The following TIRAP variants were observed in gnomAD, a reference collection of about 807,000 sequenced individuals.
TIRAP encodes toll/interleukin-1 receptor domain-containing adapter protein.
In TIRAP, 20 loss-of-function variants were observed where a neutral mutation model predicts 19.8. The ratio of observed to expected loss-of-function variants is 1.01; its 90% CI spans 0.71 to 1.47. TIRAP has a LOEUF of 1.47. TIRAP is among the 40% of genes most tolerant of loss of function. The pLI is 0.00. For missense variants in TIRAP, 276 were observed against 285.1 expected (o/e 0.97, Z 0.23); for synonymous variants, 125 against 121.7 (o/e 1.03, Z -0.18).
At chr11:126,285,243 G>GTGTGTGTATATATATATA in intron 1 of TIRAP, among the ~76,000 whole-genome samples, 6,042 of 106,678 alleles carry the variant, frequency 0.057, 212 homozygotes, top group South Asian at 0.073. Context: ...GTGTGTGTGT[G>GTGTGTGTATATATATATA]TATATATATA....
intron 1 of TIRAP, among the ~76,000 whole-genome samples, chr11:126,289,418 T>G (rs1591372893): frequency 6.6e-6 from 1 of 152,252 alleles, no homozygotes; most frequent in East Asian, 1.9e-4. Context: ...GCTGGGATTA[T>G]AGGCGCCTGC....
At chr11:126,284,856 A>AC (rs1951300938) in intron 1 of TIRAP, among the ~76,000 whole-genome samples, 1 of 115,646 alleles carries the variant, frequency 8.6e-6, no homozygotes. Flanking sequence ...TCCGTCTCAA[A>AC]AAAAAAAAAA....
At chr11:126,283,344 G>A (rs1297349283) in intron 1 of TIRAP, among the ~76,000 whole-genome samples, 191 bp downstream of exon 1, 1 of 152,100 alleles carries the variant, frequency 6.6e-6, no homozygotes, top group Non-Finnish European at 1.5e-5. Flanking sequence ...TCTGGCACCC[G>A]CAACACGCAA....
chr11:126,284,032 TC>T (rs1294607965), intron 1 of TIRAP, among the ~76,000 whole-genome samples: 5 of 119,320 alleles, frequency 4.2e-5, no homozygotes, highest in South Asian at 3.3e-4. Flanking sequence ...ATCATGTACT[TC>T]TTTTTTTTTT....
In TIRAP at chr11:126,290,845, C is replaced by T; in HGVS notation, c.-50C>T. The T allele has an allele frequency of 6.4e-7, 1 of 1,562,828 alleles. No individual in the cohort carries two copies. The highest frequency in any genetic ancestry group is 8.7e-7 in the Non-Finnish European group (1 of 1,153,626). On this transcript the variant is annotated 5_prime_UTR_variant, in exon 3 of 5. Coordinates refer to ENST00000392679, the MANE Select transcript of TIRAP (RefSeq NM_001318777.2). The surrounding 1 kb of genome is among the most constrained non-coding windows in gnomAD (Gnocchi z 4.9). ...GTCAAGACTGGGTCTCCTCCCTCCTCCCCCTTCACCAATGCCTGGTCTCAC... is the reference window on the plus strand; with the variant it reads ...GTCAAGACTGGGTCTCCTCCCTCCTTCCCCTTCACCAATGCCTGGTCTCAC...
At chr11:126,285,243 G>GTGTGTGTGTGTGTATA in intron 1 of TIRAP, among the ~76,000 whole-genome samples, 30 of 106,976 alleles carry the variant, frequency 2.8e-4, no homozygotes, top group African/African-American at 9.6e-4. Flanking sequence ...GTGTGTGTGT[G>GTGTGTGTGTGTGTATA]TATATATATA....
At position 126,283,104 on chromosome 11, in the gene TIRAP, G is replaced by C; in HGVS notation, c.-266G>C. ...GGGCCTGCGCGCTGCTCTTCCCCGC[G>C]GAGCCCGCGCAGTCCGCGCAGCCCT... is the stretch of plus-strand genomic sequence containing the variant. On this transcript the variant is annotated 5_prime_UTR_variant, in exon 1 of 5. Coordinates refer to ENST00000392679, the MANE Select transcript of TIRAP (RefSeq NM_001318777.2). 2 of 985,290 alleles carry C rather than the reference G, an allele frequency of 2.0e-6. No homozygotes were observed. Among genetic ancestry groups the C allele is most frequent in the Non-Finnish European group, 2.4e-6 (2 of 829,890 alleles). 61.0% of individuals were successfully genotyped at this position (985,290 alleles called of 1,614,324 possible).
chr11:126,285,243 G>GTGTGTGTGTGTGTGTATACA lies in TIRAP; in HGVS notation c.-217+2091_-217+2092insGTGTGTGTGTGTGTATACAT. ...ATTTATTGGATATATGTGTGTGTGTGTATATATATATATATATAATATATA... is the reference window on the plus strand; with the variant it reads ...ATTTATTGGATATATGTGTGTGTGTGTGTGTGTGTGTGTGTATACATATATATATATATATATAATATATA... On this transcript the variant is annotated intron_variant, in intron 1 of 4. Transcript: ENST00000392679. Among the ~76,000 whole-genome samples the GTGTGTGTGTGTGTGTATACA allele has an allele frequency of 4.8e-4, 51 of 106,974 alleles. 1 individual carries two copies. Among genetic ancestry groups the GTGTGTGTGTGTGTGTATACA allele is most frequent in the African/African-American group, 1.7e-3 (47 of 28,196 alleles). 70.2% of individuals were successfully genotyped at this position (106,974 alleles called of 152,430 possible).
In TIRAP at chr11:126,292,960, G is replaced by C. The variant is rs746556658; in HGVS notation, c.551G>C (p.Arg184Thr). 7.4e-6 allele frequency: 12 copies of C among 1,614,062 alleles called. No homozygotes were observed. In the African/African-American group the frequency reaches 1.6e-4, roughly 22 times the overall value. The change falls in exon 4 of 5, where the codon AGA (arginine) becomes ACA (threonine). Residue 184 changes from arginine to threonine, a missense_variant. Coordinates refer to ENST00000392679, the MANE Select transcript of TIRAP (RefSeq NM_001318777.2). Reference protein sequence around the residue: ...CTIPLLSGLSRAAYPPELRFM... With the variant: ...CTIPLLSGLSTAAYPPELRFM... ...ATCCCCCTGCTGTCGGGCCTCAGCA[G>C]AGCTGCCTACCCACCTGAGCTCCGA...
intron 1 of TIRAP, among the ~76,000 whole-genome samples, chr11:126,286,092 G>A (rs1160156481): frequency 2.0e-5 from 3 of 148,220 alleles, no homozygotes; most frequent in Admixed American, 1.4e-4. Context: ...CGGGTGTGGT[G>A]GCTCATGCCT....
chr11:126,293,048 C>T lies in TIRAP; in HGVS notation c.639C>T (p.Val213=), dbSNP rs1293459940. The T allele has an allele frequency of 1.7e-5, 28 of 1,614,060 alleles. No homozygotes were observed. The highest frequency in any genetic ancestry group is 2.3e-5 in the Non-Finnish European group (27 of 1,180,044). Residue 213 remains valine (V), a synonymous_variant, in exon 4 of 5, where the codon GTC becomes GTT. Coordinates refer to ENST00000392679, the MANE Select transcript of TIRAP (RefSeq NM_001318777.2). Reference sequence around the variant, plus strand: ...GCTTTCGTCAAGTCAAAGAAGCTGTCATGCGTTGTAAGCTACTACAGGAGG... The same window carrying T: ...GCTTTCGTCAAGTCAAAGAAGCTGTTATGCGTTGTAAGCTACTACAGGAGG... ...DGGFRQVKEA[V]MRYLQTLS
In TIRAP at chr11:126,292,590, C is replaced by T; in HGVS notation, c.181C>T (p.Leu61Phe). 1 of 1,614,204 alleles carries T rather than the reference C, an allele frequency of 6.2e-7. No homozygotes were observed. The highest frequency in any genetic ancestry group is 1.1e-5 in the South Asian group (1 of 91,086). The stretch of plus-strand genomic sequence containing the variant: ...ACAGGACAGCCCACTACCCCCAAGC[C>T]TCAGCTCAGTCACGTCTCCCAGCCT... ...TSQDSPLPPS[L>F]SSVTSPSLPP... is the part of the protein sequence containing the mutation. Residue 61 changes from leucine (L) to phenylalanine (F), a missense_variant, in exon 4 of 5, where the codon CTC becomes TTC. Leu to Phe is a conservative substitution (Grantham distance 22). Coordinates refer to ENST00000392679, the MANE Select transcript of TIRAP (RefSeq NM_001318777.2).
In TIRAP at chr11:126,291,015, C is replaced by T; in HGVS notation, c.67+54C>T. On this transcript the variant is annotated intron_variant, in intron 3 of 4. Coordinates refer to ENST00000392679, the MANE Select transcript of TIRAP (RefSeq NM_001318777.2). The surrounding 1 kb of genome is among the most constrained non-coding windows in gnomAD (Gnocchi z 5.6). ...TGTGTTCCTGAGTGTAGTGCTCAGC[C>T]TCCATAGGGCGCGGTGGGAGGCCTG... The T allele has an allele frequency of 6.4e-7, 1 of 1,552,070 alleles. No homozygotes were observed. The highest frequency in any genetic ancestry group is 8.7e-7 in the Non-Finnish European group (1 of 1,147,574).
chr11:126,285,364 C>G (rs369062013), intron 1 of TIRAP, among the ~76,000 whole-genome samples: 19 of 151,756 alleles, frequency 1.3e-4, no homozygotes, highest in East Asian at 1.2e-3. Flanking sequence ...CAGGTTCAAG[C>G]GATTCTCCTG....
chr11:126,283,097 T>A lies in TIRAP; in HGVS notation c.-273T>A. On this transcript the variant is annotated 5_prime_UTR_variant, in exon 1 of 5. Transcript: ENST00000392679. ...GAGAGCGGGGCCTGCGCGCTGCTCT[T>A]CCCCGCGGAGCCCGCGCAGTCCGCG... 1 of 985,166 alleles carries A rather than the reference T, an allele frequency of 1.0e-6. No homozygotes were observed. Among genetic ancestry groups the A allele is most frequent in the Non-Finnish European group, 1.2e-6 (1 of 829,854 alleles). 61.0% of individuals were successfully genotyped at this position (985,166 alleles called of 1,614,324 possible). A position where few individuals can be genotyped will look rare whatever the true frequency, so the allele number is the denominator to read the frequency against.
chr11:126,291,474 C>G lies in TIRAP; in HGVS notation c.67+513C>G, dbSNP rs1375755558. The G allele has an allele frequency of 1.7e-6, 2 of 1,195,274 alleles. No homozygotes were observed. Among genetic ancestry groups the G allele is most frequent in the Admixed American group, 2.2e-5 (1 of 45,002 alleles). 74.0% of individuals were successfully genotyped at this position (1,195,274 alleles called of 1,614,324 possible). A position where few individuals can be genotyped will look rare whatever the true frequency, so the allele number is the denominator to read the frequency against. On this transcript the variant is annotated intron_variant, in intron 3 of 4. Transcript: ENST00000392679. The surrounding 1 kb of genome is among the most constrained non-coding windows in gnomAD (Gnocchi z 5.6). Reference sequence around the variant, plus strand: ...AGAAGCCCAAGAAGAGGCCCGGCTCCCTGACATACCTGACACTGCATTATC... The same window carrying G: ...AGAAGCCCAAGAAGAGGCCCGGCTCGCTGACATACCTGACACTGCATTATC...
At chr11:126,284,516 T>C (rs1269372074) in intron 1 of TIRAP, among the ~76,000 whole-genome samples, 1 of 152,198 alleles carries the variant, frequency 6.6e-6, no homozygotes, top group Non-Finnish European at 1.5e-5. Flanking sequence ...TGGGGTTATT[T>C]TGTATCTTGC....
chr11:126,292,787 C>T lies in TIRAP; in HGVS notation c.378C>T (p.Gly126=), dbSNP rs372137090. The change falls in exon 4 of 5, where the codon GGC becomes GGT. Residue 126 remains glycine (G), a synonymous_variant. Coordinates refer to ENST00000392679, the MANE Select transcript of TIRAP (RefSeq NM_001318777.2). ...CFLQLRDATP[G]GAIVSELCQA... is the part of the protein sequence containing the mutation. Reference sequence around the variant, plus strand: ...TGCAACTCCGGGATGCAACCCCAGGCGGCGCTATAGTGTCCGAGCTGTGCC... The same window carrying T: ...TGCAACTCCGGGATGCAACCCCAGGTGGCGCTATAGTGTCCGAGCTGTGCC... The T allele has an allele frequency of 1.6e-4, 253 of 1,612,752 alleles. No homozygotes were observed. The highest frequency in any genetic ancestry group is 2.0e-4 in the Non-Finnish European group (235 of 1,179,708).
At chr11:126,292,301 C>CAA (rs33948579) in intron 3 of TIRAP, among the ~76,000 whole-genome samples, 176 bp from the exon 4 acceptor site, 66,736 of 117,700 alleles carry the variant, frequency 0.57, 19,370 homozygotes, top group East Asian at 0.95. Flanking sequence ...GACTCTGCCT[C>CAA]AAAAAAAAAA....
Sources: allele counts gnomAD v4.1 joint callset (sites outside exome capture counted in the v4.1 genomes callset), GRCh38; gene constraint gnomAD v4.1.1; non-coding constraint Gnocchi (gnomAD v3.1); transcripts MANE v1.5; gene names NCBI Gene and HGNC (gene_info 2026-07-23, HGNC 2026-07-21).